Variants in EFR3B observed in about 807,000 individuals in gnomAD.
The protein encoded by EFR3B is EFR3 homolog B.
In EFR3B, 64 loss-of-function variants were observed where a neutral mutation model predicts 104.7. That is an observed-to-expected ratio of 0.61 (90% confidence interval 0.50 to 0.75). EFR3B has a LOEUF of 0.75. EFR3B is among the 30% of genes least tolerant of loss of function. EFR3B has a pLI of 0.00. For missense variants in EFR3B, 750 were observed against 1,078.5 expected (o/e 0.70, Z 4.27); for synonymous variants, 385 against 417.9 (o/e 0.92, Z 0.96).
At chr2:25,149,067 T>G (rs1670931062) in intron 19 of EFR3B, among the ~76,000 whole-genome samples, 1 of 150,554 alleles carries the variant, frequency 6.6e-6, no homozygotes, top group Non-Finnish European at 1.5e-5. Context: ...AATTGCAGTA[T>G]TGGCTGGGCA....
chr2:25,076,259 T>G (rs1668631530), intron 1 of EFR3B, among the ~76,000 whole-genome samples: 1 of 152,166 alleles, frequency 6.6e-6, no homozygotes, highest in African/African-American at 2.4e-5. Context: ...ATAAAGGACA[T>G]TAAGGGCTAT....
chr2:25,068,675 G>T (rs1321943286), intron 1 of EFR3B, among the ~76,000 whole-genome samples: 3 of 151,108 alleles, frequency 2.0e-5, no homozygotes, highest in Non-Finnish European at 4.4e-5. Context: ...TGTCCCCCAG[G>T]CTGGAGTACA....
intron 1 of EFR3B, among the ~76,000 whole-genome samples, chr2:25,061,927 A>G (rs1222770559): frequency 2.0e-5 from 3 of 152,166 alleles, no homozygotes; most frequent in African/African-American, 7.2e-5. Context: ...AGGATCATGG[A>G]TGATTTAAAT....
At position 25,158,477 on chromosome 2, in the gene EFR3B, ATCT is replaced by A. The variant is rs1671233742; in HGVS notation, c.*4141_*4143del. 3.9e-5 allele frequency: 6 copies of A among 152,192 alleles called. No homozygotes were observed. Among genetic ancestry groups the A allele is most frequent in the Admixed American group, 3.9e-4 (6 of 15,274 alleles). The allele number at this position is 152,192 out of a possible 1,614,324, so 9.4% of individuals were successfully genotyped here. A position where few individuals can be genotyped will look rare whatever the true frequency, so the allele number is the denominator to read the frequency against. ...CCTCTTCATCCCATTAACCCTAGAAATCTTCTGGTTAGAGTGGCCCCTTACCCC... is the reference window on the plus strand; with the variant it reads ...CCTCTTCATCCCATTAACCCTAGAAATCTGGTTAGAGTGGCCCCTTACCCC... On this transcript the variant is annotated 3_prime_UTR_variant, in exon 23 of 23. Transcript: ENST00000403714.
At chr2:25,129,901 G>A (rs751577940) in intron 6 of EFR3B, 74 bp from the exon 7 acceptor site, 5 of 1,508,426 alleles carry the variant, frequency 3.3e-6, no homozygotes, top group African/African-American at 1.4e-5. Flanking sequence ...GATGAAACAC[G>A]GAAAGCCGGG....
rs145787070 is a variant in EFR3B at position 25,060,748 on chromosome 2, G to A, written c.7+18429G>A. Among the ~76,000 whole-genome samples the A allele has an allele frequency of 1.9e-3, 289 of 151,866 alleles. 2 individuals carry two copies. The highest frequency in any genetic ancestry group is 6.4e-3 in the African/African-American group (265 of 41,382). On this transcript the variant is annotated intron_variant, in intron 1 of 22. Transcript: ENST00000403714. Reference sequence around the variant, plus strand: ...ATCATGGCTAACACAGCGAAACCCCGTCTCTACTAAAAATACAAAAAAATT... The same window carrying A: ...ATCATGGCTAACACAGCGAAACCCCATCTCTACTAAAAATACAAAAAAATT...
At chr2:25,141,478 T>C in intron 17 of EFR3B, 45 bp downstream of exon 17, 3 of 1,545,964 alleles carry the variant, frequency 1.9e-6, no homozygotes, top group Non-Finnish European at 2.6e-6. Context: ...CCAGGGCAGC[T>C]GAGTAAGCAG....
chr2:25,084,085 A>G (rs1668882621), intron 1 of EFR3B, among the ~76,000 whole-genome samples: 2 of 152,098 alleles, frequency 1.3e-5, no homozygotes, highest in Non-Finnish European at 1.5e-5. Context: ...TTCAGATTCT[A>G]GCTGTGTGGC....
intron 16 of EFR3B, among the ~76,000 whole-genome samples, chr2:25,140,682 G>A (rs1670638217): frequency 6.6e-6 from 1 of 152,012 alleles, no homozygotes; most frequent in South Asian, 2.1e-4. Flanking sequence ...AATGCACTTG[G>A]GTACTGCAGT....
At chr2:25,080,637 A>G (rs570479167) in intron 1 of EFR3B, 34 of 599,004 alleles carry the variant, frequency 5.7e-5, no homozygotes, top group Admixed American at 2.2e-4. Flanking sequence ...CCAAACCAGC[A>G]CCATTTACTA....
At chr2:25,115,037 C>T (rs571372689) in intron 4 of EFR3B, among the ~76,000 whole-genome samples, 18 of 152,086 alleles carry the variant, frequency 1.2e-4, no homozygotes, top group South Asian at 8.3e-4. Context: ...AAAAATTAGC[C>T]GGACATTGTG....
intron 1 of EFR3B, among the ~76,000 whole-genome samples, chr2:25,082,188 G>A (rs947272976): frequency 6.6e-6 from 1 of 152,214 alleles, no homozygotes; most frequent in Non-Finnish European, 1.5e-5. Flanking sequence ...GCTGTGTGCT[G>A]GAATTGTGGT....
intron 4 of EFR3B, among the ~76,000 whole-genome samples, chr2:25,115,195 G>C (rs1191733069): frequency 6.6e-6 from 1 of 152,078 alleles, no homozygotes; most frequent in Non-Finnish European, 1.5e-5. Flanking sequence ...AAAAAGAAAA[G>C]AAAAGAAAAT....
chr2:25,079,171 T>C (rs1348665781), intron 1 of EFR3B, among the ~76,000 whole-genome samples: 2 of 152,244 alleles, frequency 1.3e-5, no homozygotes, highest in African/African-American at 2.4e-5. Flanking sequence ...CAGGTCATGC[T>C]ACCTGCTTGA....
intron 18 of EFR3B, among the ~76,000 whole-genome samples, 181 bp from the exon 19 acceptor site, chr2:25,144,779 G>A (rs2149211806): frequency 6.6e-6 from 1 of 152,292 alleles, no homozygotes; most frequent in Middle Eastern, 3.4e-3. Flanking sequence ...CCCTAAGATG[G>A]ACAGAGAAGG....
chr2:25,144,562 A>G (rs1670763001), intron 18 of EFR3B, among the ~76,000 whole-genome samples: 1 of 152,132 alleles, frequency 6.6e-6, no homozygotes, highest in South Asian at 2.1e-4. Flanking sequence ...ACAAAAAAAC[A>G]AAAACAATAG....
intron 4 of EFR3B, among the ~76,000 whole-genome samples, chr2:25,117,423 T>C (rs574009402): frequency 1.0e-3 from 156 of 152,008 alleles, no homozygotes; most frequent in African/African-American, 3.7e-3. Context: ...TTTTTTTTTT[T>C]TTTTGAAACA....
rs1396963542 is a variant in EFR3B, at chr2:25,042,532, C to T, written c.7+213C>T. The T allele has an allele frequency of 1.7e-6, 2 of 1,206,698 alleles. No homozygotes were observed. The highest frequency in any genetic ancestry group is 2.1e-6 in the Non-Finnish European group (2 of 972,102). 74.7% of individuals were successfully genotyped at this position (1,206,698 alleles called of 1,614,324 possible). On this transcript the variant is annotated intron_variant, in intron 1 of 22. Coordinates refer to ENST00000403714, the MANE Select transcript of EFR3B (RefSeq NM_014971.2). This position sits in a 1 kb window ranked among gnomAD's most constrained non-coding sequence, Gnocchi z 5.4. ...GGGACCCTGGGGTCCTCTCCAGGCC[C>T]GGCGCGTGCCGGTGCTGGGCGGTGG...
At chr2:25,140,869 C>G (rs1041673837) in intron 16 of EFR3B, among the ~76,000 whole-genome samples, 1 of 152,034 alleles carries the variant, frequency 6.6e-6, no homozygotes, top group Non-Finnish European at 1.5e-5. Context: ...GGTGAAACCT[C>G]ATCTCTACTA....
Sources: allele counts gnomAD v4.1 joint callset (sites outside exome capture counted in the v4.1 genomes callset), GRCh38; gene constraint gnomAD v4.1.1; non-coding constraint Gnocchi (gnomAD v3.1); transcripts MANE v1.5; gene names NCBI Gene and HGNC (gene_info 2026-07-23, HGNC 2026-07-21).